The following MAEL variants were observed in gnomAD, a reference collection of about 807,000 sequenced individuals.
MAEL encodes maelstrom spermatogenic transposon silencer.
MAEL carries 46 observed loss-of-function variants against 62.0 expected under a neutral mutation model. That is an observed-to-expected ratio of 0.74 (90% CI 0.59 to 0.95). MAEL has a LOEUF of 0.95. MAEL is among the 40% of genes least tolerant of loss of function. The pLI, the probability that MAEL is intolerant of heterozygous loss-of-function variation, is 0.00. For synonymous variants in MAEL, 172 were observed against 175.5 expected (o/e 0.98, Z 0.16); for missense variants, 497 against 526.8 (o/e 0.94, Z 0.55).
At chr1:167,004,081 G>T in intron 5 of MAEL, 99 bp from the exon 6 acceptor site, 2 of 1,022,194 alleles carry the variant, frequency 2.0e-6, no homozygotes, top group Admixed American at 4.8e-5. Flanking sequence ...ACTTAACTGT[G>T]TGTTACCCAC....
intron 5 of MAEL, among the ~76,000 whole-genome samples, chr1:167,001,099 G>C (rs544759173): frequency 2.0e-5 from 3 of 152,312 alleles, no homozygotes; most frequent in Admixed American, 2.0e-4. Context: ...GGAATGAGTT[G>C]ATGGCATTCG....
chr1:166,981,760 A>G (rs1483288115), intron 1 of MAEL, among the ~76,000 whole-genome samples: 1 of 152,192 alleles, frequency 6.6e-6, no homozygotes, highest in African/African-American at 2.4e-5. Flanking sequence ...TGCTGCCCAG[A>G]GCATAGGTTT....
chr1:167,021,637 T>A (rs746928601), intron 11 of MAEL, 31 bp from the exon 12 acceptor site: 8 of 1,475,704 alleles, frequency 5.4e-6, no homozygotes, highest in Non-Finnish European at 6.4e-6. Flanking sequence ...AAAATTGCTA[T>A]ATCTCTTTTC....
chr1:167,005,585 C>T lies in MAEL; in HGVS notation c.845+188C>T, dbSNP rs1664860198. On this transcript the variant is annotated intron_variant, in intron 8 of 11. Transcript: ENST00000367872. The stretch of plus-strand genomic sequence containing the variant: ...TACTTGTGTATCACTAAAAACAAAC[C>T]TGCCAAATAAACTGTTCTTTCTTAT... 1.0e-5 allele frequency: 5 copies of T among 479,014 alleles called. No homozygotes were observed. In the South Asian group the frequency reaches 2.1e-4, roughly 20 times the overall value. 29.7% of individuals were successfully genotyped at this position (479,014 alleles called of 1,614,324 possible). A position where few individuals can be genotyped will look rare whatever the true frequency, so the allele number is the denominator to read the frequency against.
chr1:167,011,649 A>G (rs1665175585), intron 8 of MAEL, among the ~76,000 whole-genome samples: 1 of 152,194 alleles, frequency 6.6e-6, no homozygotes, highest in South Asian at 2.1e-4. Context: ...GAAAGTTTTC[A>G]GGGACAAACT....
chr1:167,017,733 C>T (rs1665454869), intron 9 of MAEL, 94 bp from the exon 10 acceptor site: 19 of 1,204,368 alleles, frequency 1.6e-5, no homozygotes, highest in Non-Finnish European at 2.1e-5. Context: ...AACAGTACCT[C>T]AGATGCTTTC....
At chr1:166,996,935 T>C (rs1250095500) in intron 5 of MAEL, among the ~76,000 whole-genome samples, 1 of 152,192 alleles carries the variant, frequency 6.6e-6, no homozygotes, top group African/African-American at 2.4e-5. Flanking sequence ...CAAGTGATTC[T>C]CCTGCCTCAG....
intron 8 of MAEL, among the ~76,000 whole-genome samples, chr1:167,009,228 C>T (rs1006304616): frequency 2.0e-5 from 3 of 152,128 alleles, no homozygotes; most frequent in Non-Finnish European, 2.9e-5. Flanking sequence ...TTAAAGTTTG[C>T]TGAACCTTGA....
In MAEL at chr1:167,017,948, G is replaced by C. The variant is rs974695760; in HGVS notation, c.1030G>C (p.Gly344Arg). ...ACCCAAAATGGTTGTATTGGATGCA[G>C]GGCGTTACCAGGTAAGGAACTGACT... ...VTPKMVVLDA[G>R]RYQKLRVGSS... The change falls in exon 10 of 12, where the codon GGG becomes CGG. Residue 344 changes from glycine (G) to arginine (R), a missense_variant. Gly to Arg is a moderately radical substitution (Grantham distance 125, BLOSUM62 -2). Transcript: ENST00000367872. The C allele has an allele frequency of 6.8e-6, 11 of 1,612,824 alleles. No homozygotes were observed. The highest frequency in any genetic ancestry group is 9.3e-6 in the Non-Finnish European group (11 of 1,179,328).
At chr1:166,989,259 G>A (rs1429118674), upstream of MAEL, 14 of 1,475,582 alleles carry the variant, frequency 9.5e-6, no homozygotes, top group East Asian at 2.0e-4. Flanking sequence ...CGGGCTGCGT[G>A]CGCAGGCGCC....
chr1:166,990,917 A>G lies in MAEL; in HGVS notation c.226-461A>G, dbSNP rs148102167. ...TGAGTAGAAGCTCAGTTGAGCTTGT[A>G]CTTATACTTGCAAGCCTTATTCTTA... On this transcript the variant is annotated intron_variant, in intron 2 of 11. Coordinates refer to ENST00000367872, the MANE Select transcript of MAEL (RefSeq NM_032858.3). Among the ~76,000 whole-genome samples the G allele has an allele frequency of 5.6e-3, 857 of 152,324 alleles. 9 individuals are homozygous for G. Among genetic ancestry groups the G allele is most frequent in the African/African-American group, 0.02 (811 of 41,588 alleles).
chr1:167,005,656 T>G (rs1664862592), intron 8 of MAEL: 1 of 259,938 alleles, frequency 3.8e-6, no homozygotes, highest in Non-Finnish European at 7.2e-6. Flanking sequence ...TAAATTTATT[T>G]AGACAGATTT....
At chr1:166,998,312 T>G (rs1387735301) in intron 5 of MAEL, among the ~76,000 whole-genome samples, 1 of 152,208 alleles carries the variant, frequency 6.6e-6, no homozygotes, top group Non-Finnish European at 1.5e-5. Context: ...ATTTTATAAT[T>G]TTCTCCATTA....
In MAEL at chr1:166,989,602, A is replaced by G; in HGVS notation, c.132+118A>G. ...GGCTTGGCCCTGCCAGAGGAAGAGG[A>G]AGGCCCCCGTTTGTGGCCCTGGGCA... On this transcript the variant is annotated intron_variant, in intron 1 of 11. Coordinates refer to ENST00000367872, the MANE Select transcript of MAEL (RefSeq NM_032858.3). 3 of 1,482,372 alleles carry G rather than the reference A, an allele frequency of 2.0e-6. No individual in the cohort carries two copies. In the South Asian group the frequency reaches 3.9e-5, roughly 19 times the overall value. The allele number at this position is 1,482,372 out of a possible 1,614,324, so 91.8% of individuals were successfully genotyped here.
At chr1:166,993,714 A>G (rs551133976) in intron 4 of MAEL, among the ~76,000 whole-genome samples, 6 of 152,274 alleles carry the variant, frequency 3.9e-5, no homozygotes, top group East Asian at 3.9e-4. Context: ...TGCTGTATCA[A>G]TGCCCTTATG....
At chr1:167,012,753 A>T (rs1665222872) in intron 8 of MAEL, among the ~76,000 whole-genome samples, 1 of 152,172 alleles carries the variant, frequency 6.6e-6, no homozygotes, top group African/African-American at 2.4e-5. Flanking sequence ...CCATGCAAAA[A>T]ATGGTAAGAA....
At chr1:166,999,329 C>T (rs529885129) in intron 5 of MAEL, among the ~76,000 whole-genome samples, 74 of 152,314 alleles carry the variant, frequency 4.9e-4, no homozygotes, top group African/African-American at 1.7e-3. Context: ...GAAAGTGAAA[C>T]AGCCCCATTG....
intron 1 of MAEL, among the ~76,000 whole-genome samples, chr1:166,977,854 G>T (rs1663641050): frequency 6.6e-6 from 1 of 152,242 alleles, no homozygotes; most frequent in Non-Finnish European, 1.5e-5. Flanking sequence ...TGGAGGCTAA[G>T]ATGGGAGGAC....
At chr1:166,989,150 C>G (rs1036542282), upstream of MAEL, 2 of 710,448 alleles carry the variant, frequency 2.8e-6, no homozygotes, top group Non-Finnish European at 4.5e-6. Context: ...CCCCACCTCA[C>G]CCGCAAGGCG....
Sources: gnomAD v4.1 joint callset for allele counts (sites outside exome capture counted in the v4.1 genomes callset) on GRCh38, gnomAD v4.1.1 for gene constraint, MANE v1.5 for transcripts, NCBI Gene and HGNC (gene_info 2026-07-23, HGNC 2026-07-21) for gene names.